Variants in DCAF10 observed in about 807,000 individuals in gnomAD.
The protein encoded by DCAF10 is DDB1 and CUL4 associated factor 10.
A neutral mutation model predicts 51.9 loss-of-function variants in DCAF10; 19 were observed. That is an observed-to-expected ratio of 0.37 (90% CI 0.26 to 0.54). DCAF10 has a LOEUF of 0.54. Among genes scored for constraint, DCAF10 ranks in the 20% least tolerant of loss-of-function variants. DCAF10 has a pLI of 0.87. For missense variants in DCAF10, 510 were observed against 730.6 expected, an observed-to-expected ratio of 0.70 and a Z score of 3.48; for synonymous variants, 291 against 297.1, an observed-to-expected ratio of 0.98 and a Z score of 0.21.
chr9:37,801,135 C>G lies in DCAF10; in HGVS notation c.269C>G (p.Pro90Arg), dbSNP rs1017451713. ...STASAPGEPS[P>R]PSPPCRRPGP... ...GCCTCCGCCCCGGGAGAGCCGTCAC[C>G]TCCCTCCCCTCCGTGCCGGCGGCCC... Residue 90 changes from proline (P) to arginine (R), a missense_variant, in exon 1 of 7, where the codon CCT becomes CGT. Transcript: ENST00000377724. The surrounding 1 kb of genome is among the most constrained non-coding windows in gnomAD (Gnocchi z 5.5). The G allele has an allele frequency of 9.1e-6, 14 of 1,536,948 alleles. No homozygotes were observed. The highest frequency in any genetic ancestry group is 1.2e-5 in the Non-Finnish European group (14 of 1,144,278).
intron 2 of DCAF10, among the ~76,000 whole-genome samples, chr9:37,827,313 G>A (rs146037942): frequency 2.1e-4 from 32 of 152,110 alleles, no homozygotes; most frequent in African/African-American, 7.5e-4. Context: ...TGCTACAATA[G>A]GATAAAAGTA....
chr9:37,816,659 G>GGGGGGGGGGTGTGTGTGTGT (rs372664140), intron 1 of DCAF10, among the ~76,000 whole-genome samples: 2 of 144,978 alleles, frequency 1.4e-5, no homozygotes, highest in East Asian at 4.1e-4. Context: ...CTGCACCTGG[G>GGGGGGGGGGTGTGTGTGTGT]GTGTGTGTGT....
rs61025248 is a variant in DCAF10, at chr9:37,808,648, A to T, written c.539+7243A>T. ...TATATAATATAATATAAAAATATAT[A>T]ATATAAAATATAAATATATTATATA... On this transcript the variant is annotated intron_variant, in intron 1 of 6. Coordinates refer to ENST00000377724, the MANE Select transcript of DCAF10 (RefSeq NM_024345.5). Among the ~76,000 whole-genome samples the T allele has an allele frequency of 3.3e-4, 10 of 30,198 alleles. 1 individual carries two copies. The highest frequency in any genetic ancestry group is 1.3e-3 in the African/African-American group (9 of 7,106). The allele number at this position is 30,198 out of a possible 152,430, so 19.8% of individuals were successfully genotyped here.
intron 1 of DCAF10, 109 bp from the exon 2 acceptor site, chr9:37,819,179 A>C (rs1829632887): frequency 3.7e-6 from 1 of 273,674 alleles, no homozygotes; most frequent in Non-Finnish European, 5.9e-6. Flanking sequence ...TAACATGGGC[A>C]AAAAAAAAAA....
chr9:37,824,474 T>G (rs1455887029), intron 2 of DCAF10, among the ~76,000 whole-genome samples: 1 of 151,054 alleles, frequency 6.6e-6, no homozygotes, highest in African/African-American at 2.4e-5. Flanking sequence ...ATACAAACCA[T>G]TATAGCTCTC....
chr9:37,838,755 G>A (rs1008140519), intron 2 of DCAF10, among the ~76,000 whole-genome samples: 4 of 151,808 alleles, frequency 2.6e-5, no homozygotes, highest in East Asian at 1.9e-4. Flanking sequence ...GCTGGGCATC[G>A]CAGCGGGCAC....
Position 37,853,511 on chromosome 9 carries a change from T to C in DCAF10, c.852-1269T>C, listed in dbSNP as rs7048901. The stretch of plus-strand genomic sequence containing the variant: ...AACGAAGGAATGATGAGCAAAAAGA[T>C]TGTTAAGCATGTATGTAAATCTCAA... On this transcript the variant is annotated intron_variant, in intron 3 of 6. Coordinates refer to ENST00000377724, the MANE Select transcript of DCAF10 (RefSeq NM_024345.5). 2.8e-3 allele frequency among the ~76,000 whole-genome samples: 425 copies of C among 152,200 alleles called. 3 individuals are homozygous for C. The highest frequency in any genetic ancestry group is 9.7e-3 in the African/African-American group (401 of 41,498).
chr9:37,854,720 A>T (rs1830795226), intron 3 of DCAF10, 60 bp from the exon 4 acceptor site: 1 of 1,489,574 alleles, frequency 6.7e-7, no homozygotes, highest in Non-Finnish European at 9.1e-7. Context: ...AAATATGATT[A>T]TTACTGAACC....
At position 37,864,258 on chromosome 9, in the gene DCAF10, C is replaced by T. The variant is rs1263628071; in HGVS notation, c.*2750C>T. 1 of 150,908 alleles carries T rather than the reference C, an allele frequency of 6.6e-6. No homozygotes were observed. The highest frequency in any genetic ancestry group is 1.5e-5 in the Non-Finnish European group (1 of 67,946). The allele number at this position is 150,908 out of a possible 1,614,324, so 9.3% of individuals were successfully genotyped here. On this transcript the variant is annotated 3_prime_UTR_variant, in exon 7 of 7. Transcript: ENST00000377724. ...CCAAGATTGCACTATTGCACTCCAC[C>T]CTGGGCAATAGAGCCAGATCCTGTC...
At chr9:37,841,179 A>G (rs1830325730) in intron 2 of DCAF10, among the ~76,000 whole-genome samples, 1 of 152,198 alleles carries the variant, frequency 6.6e-6, no homozygotes, top group Admixed American at 6.5e-5. Context: ...TGTTTCACCT[A>G]GCAGAAACAA....
Position 37,863,969 on chromosome 9 carries a change from C to T in DCAF10, c.*2461C>T, listed in dbSNP as rs970240544. 6.6e-5 allele frequency: 10 copies of T among 152,238 alleles called. No individual in the cohort carries two copies. Among genetic ancestry groups the T allele is most frequent in the African/African-American group, 2.4e-4 (10 of 41,556 alleles). The allele number at this position is 152,238 out of a possible 1,614,324, so 9.4% of individuals were successfully genotyped here. A position where few individuals can be genotyped will look rare whatever the true frequency, so the allele number is the denominator to read the frequency against. ...ACAGTAAATACATATACTTACCATACATTTTGTAAAAAACACATTTTTTAA... is the reference window on the plus strand; with the variant it reads ...ACAGTAAATACATATACTTACCATATATTTTGTAAAAAACACATTTTTTAA... On this transcript the variant is annotated 3_prime_UTR_variant, in exon 7 of 7. Coordinates refer to ENST00000377724, the MANE Select transcript of DCAF10 (RefSeq NM_024345.5).
At chr9:37,821,161 ATAT>A (rs1234028224) in intron 2 of DCAF10, among the ~76,000 whole-genome samples, 8 of 152,052 alleles carry the variant, frequency 5.3e-5, no homozygotes, top group Non-Finnish European at 8.8e-5. Flanking sequence ...GCATTTACAC[ATAT>A]TATTATTTAC....
At position 37,800,976 on chromosome 9, in the gene DCAF10, C is replaced by A; in HGVS notation, c.110C>A (p.Pro37Gln). 2 of 1,523,218 alleles carry A rather than the reference C, an allele frequency of 1.3e-6. No individual in the cohort carries two copies. The highest frequency in any genetic ancestry group is 1.7e-6 in the Non-Finnish European group (2 of 1,144,474). 94.4% of individuals were successfully genotyped at this position (1,523,218 alleles called of 1,614,324 possible). Residue 37 changes from proline (P) to glutamine (Q), a missense_variant, in exon 1 of 7, where the codon CCA becomes CAA. By Grantham distance (76) the Pro-to-Gln change is moderately conservative (BLOSUM62 -1). Transcript: ENST00000377724. ...GCAGCAGCCACCGGGCCGCCCTCGC[C>A]ACTACATCCCGGGGCTGATGCGACC... ...GQAAATGPPS[P>Q]LHPGADATHP...
chr9:37,804,498 C>T (rs948866464), intron 1 of DCAF10, among the ~76,000 whole-genome samples: 3 of 152,070 alleles, frequency 2.0e-5, no homozygotes, highest in Admixed American at 1.3e-4. Context: ...AAAAAGGGGC[C>T]GGGTACGGTG....
At chr9:37,816,042 C>A (rs947324671) in intron 1 of DCAF10, among the ~76,000 whole-genome samples, 1 of 152,154 alleles carries the variant, frequency 6.6e-6, no homozygotes, top group African/African-American at 2.4e-5. Context: ...AATCTTTCCT[C>A]CTTGGTCTCC....
At chr9:37,837,475 A>G (rs977769521) in intron 2 of DCAF10, among the ~76,000 whole-genome samples, 81 of 151,336 alleles carry the variant, frequency 5.4e-4, no homozygotes, top group Non-Finnish European at 1.1e-3. Context: ...AAAAAAAAAA[A>G]GAAAAGAAAA....
In DCAF10 at chr9:37,861,952, A is replaced by T. The variant is rs1262355299; in HGVS notation, c.*444A>T. 1 of 160,248 alleles carries T rather than the reference A, an allele frequency of 6.2e-6. No individual in the cohort carries two copies. The highest frequency in any genetic ancestry group is 2.4e-5 in the African/African-American group (1 of 41,568). 9.9% of individuals were successfully genotyped at this position (160,248 alleles called of 1,614,324 possible). A position where few individuals can be genotyped will look rare whatever the true frequency, so the allele number is the denominator to read the frequency against. Reference sequence around the variant, plus strand: ...GACATTAGAATTGAATAAAACCTAGAAGTTGGATATTGGCATATTGGTTGT... The same window carrying T: ...GACATTAGAATTGAATAAAACCTAGTAGTTGGATATTGGCATATTGGTTGT... On this transcript the variant is annotated 3_prime_UTR_variant, in exon 7 of 7. Coordinates refer to ENST00000377724, the MANE Select transcript of DCAF10 (RefSeq NM_024345.5). The surrounding 1 kb of genome is among the most constrained non-coding windows in gnomAD (Gnocchi z 4.9).
chr9:37,852,930 T>TATATA (rs1830710395), intron 3 of DCAF10, among the ~76,000 whole-genome samples: 5 of 109,818 alleles, frequency 4.6e-5, no homozygotes, highest in Admixed American at 2.0e-4. Context: ...GTATGTGAGG[T>TATATA]TATATATATA....
intron 1 of DCAF10, among the ~76,000 whole-genome samples, chr9:37,809,329 G>A (rs1480046492): frequency 1.3e-5 from 2 of 149,610 alleles, no homozygotes; most frequent in African/African-American, 4.9e-5. Flanking sequence ...TCTCATGAAA[G>A]AGAATAGCAA....
Sources: allele counts gnomAD v4.1 joint callset (sites outside exome capture counted in the v4.1 genomes callset), GRCh38; gene constraint gnomAD v4.1.1; non-coding constraint Gnocchi (gnomAD v3.1); transcripts MANE v1.5; gene names NCBI Gene and HGNC (gene_info 2026-07-23, HGNC 2026-07-21).